ACVR1: variants seen among roughly 807,000 people sequenced by gnomAD.
The protein encoded by ACVR1 is activin A receptor type 1, also known as activin receptor type-1.
In ACVR1, 38 loss-of-function variants were observed where a neutral mutation model predicts 57.1. That is an observed-to-expected ratio of 0.67 (90% CI 0.51 to 0.87). The LOEUF (loss-of-function observed/expected upper bound fraction) is 0.87. ACVR1 is among the 40% of genes least tolerant of loss of function. The pLI is 0.00. For synonymous variants in ACVR1, 212 were observed against 228.1 expected (o/e 0.93, Z 0.63); for missense variants, 463 against 638.2 (o/e 0.73, Z 2.96).
intron 1 of ACVR1, among the ~76,000 whole-genome samples, chr2:157,855,847 T>C (rs934284862): frequency 2.6e-5 from 4 of 151,966 alleles, no homozygotes; most frequent in Non-Finnish European, 5.9e-5. Flanking sequence ...TGACTCATAC[T>C]TTTTTTTCCT....
intron 1 of ACVR1, among the ~76,000 whole-genome samples, chr2:157,821,994 A>G (rs1454370625): frequency 6.6e-6 from 1 of 152,176 alleles, no homozygotes; most frequent in Non-Finnish European, 1.5e-5. Context: ...AATCAAGACA[A>G]GTTTTCTCAG....
At position 157,871,358 on chromosome 2, in the gene ACVR1, C is replaced by T. The variant is rs559721830; in HGVS notation, c.-183+4438G>A. Among the ~76,000 whole-genome samples, 3 of 152,286 alleles carry T rather than the reference C, an allele frequency of 2.0e-5. No individual in the cohort carries two copies. In the South Asian group the frequency reaches 6.2e-4, roughly 32 times the overall value. ...CCCCAAAAAGGAGGGGAGTGAGGGGCAATGCAGAGACCAGAACAGCCAGGG... is the reference window on the plus strand; with the variant it reads ...CCCCAAAAAGGAGGGGAGTGAGGGGTAATGCAGAGACCAGAACAGCCAGGG... On this transcript the variant is annotated intron_variant, in intron 1 of 10. Coordinates refer to ENST00000434821, the MANE Select transcript of ACVR1 (RefSeq NM_001111067.4).
At chr2:157,869,042 CT>C (rs1297870290) in intron 1 of ACVR1, among the ~76,000 whole-genome samples, 2 of 152,170 alleles carry the variant, frequency 1.3e-5, no homozygotes. Context: ...CCCTCTCATC[CT>C]TTGGGTGTGT....
intron 1 of ACVR1, among the ~76,000 whole-genome samples, chr2:157,853,096 A>G (rs1186904483): frequency 6.6e-6 from 1 of 152,252 alleles, no homozygotes; most frequent in Non-Finnish European, 1.5e-5. Flanking sequence ...ATCAAAATAG[A>G]GTAGCCAAAT....
At chr2:157,860,222 C>T (rs1036738) in intron 1 of ACVR1, 148,298 of 152,322 alleles carry the variant, frequency 0.97, 72,317 homozygotes, top group East Asian at 1. Context: ...GGTAAACTGC[C>T]AGGAAGGGTA....
In ACVR1 at chr2:157,838,084, CT is replaced by C. The variant is rs144308737; in HGVS notation, c.-182-19526del. On this transcript the variant is annotated intron_variant, in intron 1 of 10. Coordinates refer to ENST00000434821, the MANE Select transcript of ACVR1 (RefSeq NM_001111067.4). ...GACTCTGTTATTATCATCAAGAAAG[CT>C]TTTCCCCCCCTCCCCACACACACTC... is the stretch of plus-strand genomic sequence containing the variant. Among the ~76,000 whole-genome samples the C allele has an allele frequency of 8.0e-4, 121 of 150,914 alleles. 2 individuals carry two copies. In the Middle Eastern group the frequency reaches 0.01, roughly 13 times the overall value.
chr2:157,809,905 T>C (rs1233124795), intron 2 of ACVR1, among the ~76,000 whole-genome samples: 1 of 151,980 alleles, frequency 6.6e-6, no homozygotes, highest in African/African-American at 2.4e-5. Context: ...TGAGACCCCA[T>C]CTCTACAAAA....
intron 1 of ACVR1, among the ~76,000 whole-genome samples, chr2:157,857,398 G>C (rs1402920520): frequency 7.3e-6 from 1 of 137,492 alleles, no homozygotes; most frequent in Non-Finnish European, 1.6e-5. Flanking sequence ...AAACTAATTG[G>C]AAAAAAAAAA....
chr2:157,775,414 A>C (rs1310377327), intron 5 of ACVR1, among the ~76,000 whole-genome samples: 2 of 152,234 alleles, frequency 1.3e-5, no homozygotes, highest in Admixed American at 1.3e-4. Flanking sequence ...ATAAAGGTAG[A>C]GTTGCAGTAA....
At chr2:157,769,615 T>C (rs1685999773) in intron 7 of ACVR1, among the ~76,000 whole-genome samples, 1 of 152,342 alleles carries the variant, frequency 6.6e-6, no homozygotes. Context: ...GGCCTTCCTA[T>C]GAGCCAGACC....
In ACVR1 at chr2:157,737,215, A is replaced by G. The variant is rs1346079431; in HGVS notation, c.*316T>C. The G allele has an allele frequency of 6.6e-6, 3 of 457,424 alleles. No homozygotes were observed. Among genetic ancestry groups the G allele is most frequent in the East Asian group, 4.3e-5 (1 of 23,060 alleles). The allele number at this position is 457,424 out of a possible 1,614,324, so 28.3% of individuals were successfully genotyped here. A position where few individuals can be genotyped will look rare whatever the true frequency, so the allele number is the denominator to read the frequency against. On this transcript the variant is annotated 3_prime_UTR_variant, in exon 11 of 11. Coordinates refer to ENST00000434821, the MANE Select transcript of ACVR1 (RefSeq NM_001111067.4). ...AGACTTGTGAAAGCTATGCAAAGCC[A>G]CTGACTTAATGCCCAGATCTCTTTT...
At chr2:157,794,998 T>C (rs1687050963) in intron 3 of ACVR1, among the ~76,000 whole-genome samples, 1 of 151,732 alleles carries the variant, frequency 6.6e-6, no homozygotes, top group Non-Finnish European at 1.5e-5. Context: ...TTTTTTTAAA[T>C]AGACTAAGAA....
At chr2:157,778,821 C>G (rs571458685) in intron 4 of ACVR1, among the ~76,000 whole-genome samples, 3 of 152,290 alleles carry the variant, frequency 2.0e-5, no homozygotes, top group African/African-American at 7.2e-5. Flanking sequence ...TGCCTAGGAA[C>G]CCATTCATTC....
At chr2:157,834,554 G>A (rs1355639826) in intron 1 of ACVR1, among the ~76,000 whole-genome samples, 2 of 152,120 alleles carry the variant, frequency 1.3e-5, no homozygotes, top group East Asian at 3.8e-4. Flanking sequence ...CAGACAGCAA[G>A]AATAGAGAGC....
chr2:157,784,614 TGAAA>T (rs1027527879), intron 3 of ACVR1, among the ~76,000 whole-genome samples: 3 of 152,240 alleles, frequency 2.0e-5, no homozygotes, highest in African/African-American at 7.2e-5. Flanking sequence ...CAGAGCCGTG[TGAAA>T]ACACTCGCAG....
intron 2 of ACVR1, among the ~76,000 whole-genome samples, chr2:157,809,038 T>TA (rs1456444517): frequency 1.3e-5 from 2 of 152,210 alleles, no homozygotes; most frequent in Non-Finnish European, 2.9e-5. Context: ...CTTATCTATT[T>TA]AAATAGACCA....
chr2:157,780,722 C>T, intron 3 of ACVR1, 122 bp from the exon 4 acceptor site: 3 of 1,196,396 alleles, frequency 2.5e-6, no homozygotes, highest in Non-Finnish European at 3.5e-6. Flanking sequence ...AGCTAAGCAT[C>T]ACCATCAACC....
Position 157,780,565 on chromosome 2 carries a change from AC to A in ACVR1, c.102del (p.Met34IlefsTer24). 1.2e-6 allele frequency: 2 copies of A among 1,613,780 alleles called. No homozygotes were observed. Among genetic ancestry groups the A allele is most frequent in the Non-Finnish European group, 1.7e-6 (2 of 1,179,968 alleles). ...CCGCAGGAGAGACCTTCACACACAC[AC>A]ATGTAGAGTTTGGGGTTGACCTTGG... ...EKPKVNPKLY[M>X]CVCEGLSCGN... is the part of the protein sequence containing the mutation. On this transcript the variant is annotated frameshift_variant, in exon 4 of 11. Coordinates refer to ENST00000434821, the MANE Select transcript of ACVR1 (RefSeq NM_001111067.4). LOFTEE classifies it high-confidence loss of function.
intron 1 of ACVR1, among the ~76,000 whole-genome samples, chr2:157,867,416 AC>A (rs956855059): frequency 1.3e-5 from 2 of 152,214 alleles, no homozygotes; most frequent in African/African-American, 4.8e-5. Context: ...ACAGGAACAA[AC>A]AAACAAACCT....
Sources: gnomAD v4.1 joint callset for allele counts (sites outside exome capture counted in the v4.1 genomes callset) on GRCh38, gnomAD v4.1.1 for gene constraint, MANE v1.5 for transcripts, NCBI Gene and HGNC (gene_info 2026-07-23, HGNC 2026-07-21) for gene names.